The following ATXN1 variants were observed in gnomAD, a reference collection of about 807,000 sequenced individuals.
ATXN1 encodes ataxin 1, also known as ataxin-1.
In ATXN1, 8 loss-of-function variants were observed where a neutral mutation model predicts 56.4. That is an observed-to-expected ratio of 0.14 (90% confidence interval 0.08 to 0.26). ATXN1 has a LOEUF of 0.26. ATXN1 is among the 10% of genes least tolerant of loss of function. ATXN1 has a pLI of 1.00. For missense variants in ATXN1, 987 were observed against 1,106.5 expected (o/e 0.89, Z 1.53); for synonymous variants, 514 against 494.6 (o/e 1.04, Z -0.52).
At chr6:16,609,361 A>C (rs1395480804) in intron 3 of ATXN1, among the ~76,000 whole-genome samples, 2 of 152,234 alleles carry the variant, frequency 1.3e-5, no homozygotes, top group Non-Finnish European at 2.9e-5. Flanking sequence ...CAGGACTCTG[A>C]TGCCAGAAAA....
At chr6:16,756,361 C>G (rs1212943744) in intron 1 of ATXN1, among the ~76,000 whole-genome samples, 1 of 152,002 alleles carries the variant, frequency 6.6e-6, no homozygotes, top group African/African-American at 2.4e-5. Context: ...AACTAAATTA[C>G]ATGAAAATAA....
chr6:16,319,934 T>G (rs1228180318), intron 7 of ATXN1, among the ~76,000 whole-genome samples: 1 of 152,028 alleles, frequency 6.6e-6, no homozygotes, highest in African/African-American at 2.4e-5. Flanking sequence ...TTGGAGCCTT[T>G]CCAGCACCAG....
chr6:16,585,442 A>G (rs112042384), intron 4 of ATXN1, among the ~76,000 whole-genome samples: 1 of 152,302 alleles, frequency 6.6e-6, no homozygotes, highest in African/African-American at 2.4e-5. Context: ...AATCTCTACT[A>G]CTTCTACAAT....
chr6:16,329,741 G>C (rs1204771304), intron 6 of ATXN1, among the ~76,000 whole-genome samples: 1 of 152,188 alleles, frequency 6.6e-6, no homozygotes, highest in African/African-American at 2.4e-5. Flanking sequence ...AGACAAATCA[G>C]ATCAGTGTGT....
At chr6:16,572,456 A>G (rs1581853130) in intron 4 of ATXN1, among the ~76,000 whole-genome samples, 1 of 152,290 alleles carries the variant, frequency 6.6e-6, no homozygotes, top group Non-Finnish European at 1.5e-5. Context: ...CTGCCCCTGA[A>G]CCGCAAGGCC....
At chr6:16,723,698 T>C (rs974386489) in intron 2 of ATXN1, among the ~76,000 whole-genome samples, 2 of 152,128 alleles carry the variant, frequency 1.3e-5, no homozygotes, top group African/African-American at 4.8e-5. Flanking sequence ...TATATATATT[T>C]TTAAAATTAA....
intron 2 of ATXN1, among the ~76,000 whole-genome samples, chr6:16,745,970 G>C (rs1297680566): frequency 2.9e-5 from 4 of 136,886 alleles, no homozygotes; most frequent in Non-Finnish European, 4.7e-5. Flanking sequence ...GTGTGTGTGT[G>C]TGTCTGTTTT....
intron 6 of ATXN1, among the ~76,000 whole-genome samples, chr6:16,370,512 A>G (rs1162788296): frequency 6.6e-6 from 1 of 152,260 alleles, no homozygotes; most frequent in Non-Finnish European, 1.5e-5. Context: ...TGTACAATGC[A>G]CAACTAAGAT....
chr6:16,387,150 T>C (rs1561876220), intron 6 of ATXN1, among the ~76,000 whole-genome samples: 1 of 152,210 alleles, frequency 6.6e-6, no homozygotes, highest in Admixed American at 6.5e-5. Context: ...GAATGACAGA[T>C]TGACTAGGAA....
intron 4 of ATXN1, among the ~76,000 whole-genome samples, chr6:16,572,032 G>C (rs558107130): frequency 6.6e-6 from 1 of 152,248 alleles, no homozygotes; most frequent in South Asian, 2.1e-4. Flanking sequence ...TCATGTTTTA[G>C]ATATGCCATG....
chr6:16,435,010 T>C (rs1039355455), intron 6 of ATXN1, among the ~76,000 whole-genome samples: 3 of 151,982 alleles, frequency 2.0e-5, no homozygotes, highest in Non-Finnish European at 4.4e-5. Flanking sequence ...CGAAAGACAC[T>C]GAGGAGATTG....
At chr6:16,606,867 T>TGTGTGTGTGTGTGTG (rs1554119511) in intron 3 of ATXN1, among the ~76,000 whole-genome samples, 2 of 126,712 alleles carry the variant, frequency 1.6e-5, no homozygotes, top group African/African-American at 5.8e-5. Context: ...GTTCCATGAG[T>TGTGTGTGTGTGTGTG]TGTGTGTGTG....
At chr6:16,489,160 A>C (rs763536613) in intron 5 of ATXN1, among the ~76,000 whole-genome samples, 71 of 152,190 alleles carry the variant, frequency 4.7e-4, no homozygotes, top group Non-Finnish European at 7.6e-4. Context: ...AAAGTTTCTA[A>C]GCTCTCTGAT....
chr6:16,399,145 G>A (rs1322069490), intron 6 of ATXN1, among the ~76,000 whole-genome samples: 1 of 152,220 alleles, frequency 6.6e-6, no homozygotes, highest in African/African-American at 2.4e-5. Context: ...TCAATGGACT[G>A]ACCTTGTGGC....
intron 6 of ATXN1, among the ~76,000 whole-genome samples, chr6:16,461,087 A>G (rs1759984823): frequency 6.6e-6 from 1 of 152,202 alleles, no homozygotes; most frequent in African/African-American, 2.4e-5. Flanking sequence ...AAGGTGAAGG[A>G]GAAAAGGCAG....
chr6:16,429,384 A>AAAAG, intron 6 of ATXN1, among the ~76,000 whole-genome samples: 1 of 150,178 alleles, frequency 6.7e-6, no homozygotes, highest in South Asian at 2.1e-4. Flanking sequence ...CATTAAAAAA[A>AAAAG]AAAACAACCA....
At chr6:16,629,611 C>G (rs955845821) in intron 3 of ATXN1, among the ~76,000 whole-genome samples, 7 of 152,014 alleles carry the variant, frequency 4.6e-5, no homozygotes, top group African/African-American at 1.7e-4. Context: ...TGAAAATAAC[C>G]TTTTTAAAAA....
intron 6 of ATXN1, among the ~76,000 whole-genome samples, chr6:16,420,197 T>TGAGC (rs1347910026): frequency 2.0e-5 from 3 of 152,214 alleles, no homozygotes; most frequent in Admixed American, 6.5e-5. Context: ...CTCCATAACG[T>TGAGC]GAGCTGCAGT....
intron 6 of ATXN1, among the ~76,000 whole-genome samples, chr6:16,459,879 T>C (rs1368940708): frequency 6.6e-6 from 1 of 152,172 alleles, no homozygotes. Flanking sequence ...TCTCTTGAAC[T>C]TTCTAGCTAA....
Sources: gnomAD v4.1 joint callset for allele counts (sites outside exome capture counted in the v4.1 genomes callset) on GRCh38, gnomAD v4.1.1 for gene constraint, MANE v1.5 for transcripts, NCBI Gene and HGNC (gene_info 2026-07-23, HGNC 2026-07-21) for gene names.